Variants in ADAMTS12 observed in about 807,000 individuals in gnomAD.
ADAMTS12 encodes A disintegrin and metalloproteinase with thrombospondin motifs 12.
Under a neutral mutation model 167.8 loss-of-function variants are expected in ADAMTS12, and 118 were observed. The ratio of observed to expected loss-of-function variants is 0.70; its 90% CI spans 0.61 to 0.82. The LOEUF (loss-of-function observed/expected upper bound fraction) is 0.82. ADAMTS12 is among the 40% of genes least tolerant of loss of function. The pLI, the probability that ADAMTS12 is intolerant of heterozygous loss-of-function variation, is 0.00. For missense variants in ADAMTS12, 1,916 were observed against 1,998.8 expected (o/e 0.96, Z 0.79); for synonymous variants, 704 against 716.9 (o/e 0.98, Z 0.29).
At chr5:33,761,157 T>TAC (rs1287410333) in intron 2 of ADAMTS12, among the ~76,000 whole-genome samples, 1 of 147,864 alleles carries the variant, frequency 6.8e-6, no homozygotes, top group African/African-American at 2.6e-5. Context: ...CTTTTTCATA[T>TAC]CCCAGTAGCT....
chr5:33,709,301 C>T (rs1743309627), intron 3 of ADAMTS12, among the ~76,000 whole-genome samples: 1 of 152,178 alleles, frequency 6.6e-6, no homozygotes, highest in African/African-American at 2.4e-5. Flanking sequence ...GTGGTGATTC[C>T]TCAAAGACCT....
At chr5:33,536,756 A>T (rs1042848005) in intron 22 of ADAMTS12, among the ~76,000 whole-genome samples, 1 of 151,974 alleles carries the variant, frequency 6.6e-6, no homozygotes, top group Non-Finnish European at 1.5e-5. Flanking sequence ...CTCACCTGGA[A>T]CTCCTTCAGG....
chr5:33,575,341 C>A (rs1237015929), intron 19 of ADAMTS12, among the ~76,000 whole-genome samples: 1 of 152,162 alleles, frequency 6.6e-6, no homozygotes, highest in Non-Finnish European at 1.5e-5. Context: ...CAGGCCTTTT[C>A]AGTCATCCTT....
intron 3 of ADAMTS12, among the ~76,000 whole-genome samples, chr5:33,739,231 C>T (rs185063672): frequency 6.6e-6 from 1 of 152,202 alleles, no homozygotes; most frequent in Admixed American, 6.5e-5. Flanking sequence ...CACATGTACA[C>T]CCCACGCATC....
intron 2 of ADAMTS12, among the ~76,000 whole-genome samples, chr5:33,848,679 A>C (rs1749042258): frequency 6.6e-6 from 1 of 152,180 alleles, no homozygotes; most frequent in Non-Finnish European, 1.5e-5. Flanking sequence ...CCCCAATGAC[A>C]ACTTGCCTAG....
At chr5:33,672,510 T>C (rs1013137952) in intron 5 of ADAMTS12, among the ~76,000 whole-genome samples, 3 of 152,228 alleles carry the variant, frequency 2.0e-5, no homozygotes, top group African/African-American at 7.2e-5. Context: ...AGAGCTCTTG[T>C]TCTCCCTTAG....
chr5:33,809,983 GAAAAAAAAA>G (rs202032209), intron 2 of ADAMTS12, among the ~76,000 whole-genome samples: 1 of 118,098 alleles, frequency 8.5e-6, no homozygotes, highest in Non-Finnish European at 1.7e-5. Flanking sequence ...AAGTTTAACA[GAAAAAAAAA>G]AAAAAAAAAC....
At chr5:33,610,757 A>G (rs186726511) in intron 16 of ADAMTS12, among the ~76,000 whole-genome samples, 1 of 152,340 alleles carries the variant, frequency 6.6e-6, no homozygotes, top group East Asian at 1.9e-4. Context: ...ACGGAATAGT[A>G]CACAACCCTT....
intron 13 of ADAMTS12, among the ~76,000 whole-genome samples, chr5:33,626,750 G>T (rs375666688): frequency 1.5e-4 from 22 of 150,216 alleles, no homozygotes; most frequent in African/African-American, 5.4e-4. Flanking sequence ...GGTGGTGGTG[G>T]TGATGTGGTA....
intron 5 of ADAMTS12, among the ~76,000 whole-genome samples, chr5:33,667,317 CAAAAA>C (rs5867201): frequency 2.6e-5 from 2 of 78,360 alleles, no homozygotes; most frequent in South Asian, 5.2e-4. Context: ...GACTCTGTCT[CAAAAA>C]AAAAAAAAAA....
intron 17 of ADAMTS12, among the ~76,000 whole-genome samples, chr5:33,590,776 C>T (rs895209441): frequency 3.3e-5 from 5 of 152,056 alleles, no homozygotes; most frequent in Admixed American, 1.3e-4. Context: ...TACCTGGCCA[C>T]GAAATAAATT....
chr5:33,843,622 G>A (rs1748830938), intron 2 of ADAMTS12, among the ~76,000 whole-genome samples: 1 of 152,236 alleles, frequency 6.6e-6, no homozygotes, highest in South Asian at 2.1e-4. Context: ...GAGAAAACCA[G>A]AATGAATACT....
At chr5:33,853,089 C>A (rs892201455) in intron 2 of ADAMTS12, among the ~76,000 whole-genome samples, 1 of 152,182 alleles carries the variant, frequency 6.6e-6, no homozygotes, top group African/African-American at 2.4e-5. Context: ...CTCCCGGAAC[C>A]GAGCAGGGAG....
chr5:33,739,495 A>C (rs1199115501), intron 3 of ADAMTS12, among the ~76,000 whole-genome samples: 4 of 152,222 alleles, frequency 2.6e-5, no homozygotes, highest in Non-Finnish European at 5.9e-5. Flanking sequence ...GCATGTGTGC[A>C]TACGTGTGTG....
intron 2 of ADAMTS12, among the ~76,000 whole-genome samples, chr5:33,768,470 G>GCA (rs1745625356): frequency 6.6e-6 from 1 of 152,116 alleles, no homozygotes; most frequent in South Asian, 2.1e-4. Context: ...TGTTTGATTT[G>GCA]CAAGGATATT....
At chr5:33,554,439 T>C (rs2111856471) in intron 20 of ADAMTS12, among the ~76,000 whole-genome samples, 1 of 152,326 alleles carries the variant, frequency 6.6e-6, no homozygotes, top group South Asian at 2.1e-4. Context: ...CAACCACTTC[T>C]TCTTGAGAAT....
intron 2 of ADAMTS12, among the ~76,000 whole-genome samples, chr5:33,832,463 T>C (rs1748337159): frequency 6.6e-6 from 1 of 152,126 alleles, no homozygotes; most frequent in Non-Finnish European, 1.5e-5. Context: ...AAACTGAAAA[T>C]AATCATTGTA....
intron 17 of ADAMTS12, 47 bp from the exon 18 acceptor site, chr5:33,588,856 T>A (rs773105700): frequency 1.3e-6 from 2 of 1,599,342 alleles, no homozygotes; most frequent in Non-Finnish European, 1.7e-6. Context: ...AACTTACGCA[T>A]ATGTTCCATT....
chr5:33,581,803 G>A (rs886574548), intron 18 of ADAMTS12, among the ~76,000 whole-genome samples: 2 of 152,080 alleles, frequency 1.3e-5, no homozygotes, highest in Non-Finnish European at 2.9e-5. Flanking sequence ...GTTACAATAA[G>A]GTCATTAGGG....
Sources: allele counts gnomAD v4.1 joint callset (sites outside exome capture counted in the v4.1 genomes callset), GRCh38; gene constraint gnomAD v4.1.1; transcripts MANE v1.5; gene names NCBI Gene and HGNC (gene_info 2026-07-23, HGNC 2026-07-21).